SNTB1: variants seen among roughly 807,000 people sequenced by gnomAD.
The protein encoded by SNTB1 is syntrophin beta 1.
A neutral mutation model predicts 48.9 loss-of-function variants in SNTB1; 36 were observed. The observed-to-expected ratio is 0.74, with a 90% CI of 0.56 to 0.97. SNTB1 has a LOEUF of 0.97. Ranked by LOEUF, SNTB1 falls within the 50% of genes least tolerant of loss-of-function variation. The pLI, the probability that SNTB1 is intolerant of heterozygous loss-of-function variation, is 0.00. For missense variants in SNTB1, 786 were observed against 703.4 expected (o/e 1.12, Z -1.33); for synonymous variants, 299 against 294.6 (o/e 1.01, Z -0.15).
chr8:120,587,399 C>T (rs1040889176), intron 3 of SNTB1, among the ~76,000 whole-genome samples: 3 of 152,130 alleles, frequency 2.0e-5, no homozygotes, highest in Non-Finnish European at 2.9e-5. Flanking sequence ...ATCCTCTGGC[C>T]CCAACCCACT....
At chr8:120,581,087 T>TC (rs1816040853) in intron 3 of SNTB1, among the ~76,000 whole-genome samples, 1 of 71,280 alleles carries the variant, frequency 1.4e-5, no homozygotes, top group East Asian at 3.4e-4. Flanking sequence ...AGACCCTGTC[T>TC]CAAAAAAAAA....
intron 1 of SNTB1, among the ~76,000 whole-genome samples, chr8:120,799,072 T>C (rs6996312): frequency 0.12 from 17,585 of 151,872 alleles, 1,473 homozygotes; most frequent in African/African-American, 0.23. Context: ...AGTTGGTAAA[T>C]CCATTTTACC....
At chr8:120,804,121 G>T (rs1820282968) in intron 1 of SNTB1, among the ~76,000 whole-genome samples, 2 of 152,066 alleles carry the variant, frequency 1.3e-5, no homozygotes, top group Non-Finnish European at 2.9e-5. Flanking sequence ...ATGAGTGGTG[G>T]ATGATGTGAG....
chr8:120,639,354 T>C (rs1288769402), intron 2 of SNTB1, among the ~76,000 whole-genome samples: 1 of 152,200 alleles, frequency 6.6e-6, no homozygotes, highest in African/African-American at 2.4e-5. Flanking sequence ...TTCACTCTGA[T>C]GGTAGTTTCT....
chr8:120,678,999 A>C (rs1008488012), intron 2 of SNTB1, among the ~76,000 whole-genome samples: 6 of 152,162 alleles, frequency 3.9e-5, no homozygotes, highest in Non-Finnish European at 8.8e-5. Context: ...TTCCCCTCCC[A>C]GGGCTATAGT....
intron 1 of SNTB1, among the ~76,000 whole-genome samples, chr8:120,746,570 T>A (rs140094637): frequency 1.1e-4 from 16 of 152,304 alleles, no homozygotes; most frequent in South Asian, 2.1e-4. Context: ...TTTGGCTCTT[T>A]ACAGAAAAAA....
chr8:120,596,935 G>A (rs1300960272), intron 3 of SNTB1, among the ~76,000 whole-genome samples: 1 of 152,176 alleles, frequency 6.6e-6, no homozygotes, highest in Admixed American at 6.5e-5. Context: ...AGACATCTGT[G>A]GTAGGCTGAA....
At chr8:120,613,334 A>G (rs1322144659) in intron 3 of SNTB1, among the ~76,000 whole-genome samples, 1 of 141,322 alleles carries the variant, frequency 7.1e-6, no homozygotes, top group African/African-American at 2.7e-5. Flanking sequence ...CTGGGCAACA[A>G]GAGTGCAGCT....
chr8:120,699,490 C>T (rs1818268702), intron 1 of SNTB1, among the ~76,000 whole-genome samples: 1 of 152,126 alleles, frequency 6.6e-6, no homozygotes, highest in South Asian at 2.1e-4. Context: ...CCCATTCTTG[C>T]CATATGATGT....
chr8:120,696,645 C>T (rs1038894437), intron 1 of SNTB1, among the ~76,000 whole-genome samples: 15 of 152,230 alleles, frequency 9.9e-5, no homozygotes, highest in African/African-American at 3.1e-4. Flanking sequence ...TCTTTCAGAC[C>T]TGCTAGAAAG....
chr8:120,810,581 G>A (rs747053116), intron 1 of SNTB1, among the ~76,000 whole-genome samples: 15 of 152,176 alleles, frequency 9.9e-5, no homozygotes, highest in Non-Finnish European at 2.1e-4. Context: ...GAGGAACCTG[G>A]AATCCAGACT....
At chr8:120,765,464 G>A (rs367933316) in intron 1 of SNTB1, among the ~76,000 whole-genome samples, 17 of 152,058 alleles carry the variant, frequency 1.1e-4, no homozygotes, top group Admixed American at 3.9e-4. Context: ...TATATCACAC[G>A]CTGGGTGACT....
intron 2 of SNTB1, among the ~76,000 whole-genome samples, chr8:120,651,957 G>A (rs1336959091): frequency 6.6e-6 from 1 of 152,196 alleles, no homozygotes; most frequent in Non-Finnish European, 1.5e-5. Context: ...CCCTGGAGGG[G>A]TATAGAGATG....
At chr8:120,593,210 G>A (rs1816271772) in intron 3 of SNTB1, among the ~76,000 whole-genome samples, 1 of 152,094 alleles carries the variant, frequency 6.6e-6, no homozygotes, top group Non-Finnish European at 1.5e-5. Context: ...TGCCAGGGAC[G>A]ATATTCAAAA....
chr8:120,658,650 C>T (rs1165237586), intron 2 of SNTB1, among the ~76,000 whole-genome samples: 6 of 152,130 alleles, frequency 3.9e-5, no homozygotes, highest in Admixed American at 2.6e-4. Flanking sequence ...TACTTTAATG[C>T]TAAAAATTGC....
chr8:120,636,692 A>G (rs1021326961), intron 2 of SNTB1, among the ~76,000 whole-genome samples: 7 of 151,410 alleles, frequency 4.6e-5, no homozygotes, highest in African/African-American at 9.7e-5. Context: ...GAATAATGCC[A>G]CAATAAACAT....
intron 1 of SNTB1, 151 bp downstream of exon 1, chr8:120,811,122 C>T: frequency 9.1e-7 from 1 of 1,102,064 alleles, no homozygotes. Context: ...CCACCCCCTG[C>T]GCCACCCTTC....
chr8:120,651,559 AT>A (rs1038839850), intron 2 of SNTB1, among the ~76,000 whole-genome samples: 2 of 152,156 alleles, frequency 1.3e-5, no homozygotes, highest in Non-Finnish European at 2.9e-5. Flanking sequence ...GAATGGTTTC[AT>A]TTTTTTAGTA....
intron 2 of SNTB1, among the ~76,000 whole-genome samples, chr8:120,658,925 C>A (rs973502739): frequency 1.3e-5 from 2 of 151,430 alleles, no homozygotes; most frequent in Middle Eastern, 3.2e-3. Flanking sequence ...CCTCTCAAAT[C>A]TTGCTGCTGC....
Sources: gnomAD v4.1 joint callset for allele counts (sites outside exome capture counted in the v4.1 genomes callset) on GRCh38, gnomAD v4.1.1 for gene constraint, MANE v1.5 for transcripts, NCBI Gene and HGNC (gene_info 2026-07-23, HGNC 2026-07-21) for gene names.